TBC1D30: variants seen among roughly 807,000 people sequenced by gnomAD.
The protein encoded by TBC1D30 is TBC1 domain family member 30, also known as TBC1 domain family, member 30.
Under a neutral mutation model 63.2 loss-of-function variants are expected in TBC1D30, and 31 were observed. That is an observed-to-expected ratio of 0.49 (90% confidence interval 0.37 to 0.66). TBC1D30 has a LOEUF of 0.66. TBC1D30 is among the 30% of genes least tolerant of loss of function. The probability of loss-of-function intolerance (pLI) is 0.00; values close to 1 mark genes in which losing one functional copy is unlikely to be tolerated. For missense variants in TBC1D30, 810 were observed against 953.6 expected, an observed-to-expected ratio of 0.85 and a Z score of 1.98; for synonymous variants, 307 against 361.5, an observed-to-expected ratio of 0.85 and a Z score of 1.71.
rs367956781 is a variant in TBC1D30 at position 64,844,901 on chromosome 12, G to A, written c.1038+1416G>A. On this transcript the variant is annotated intron_variant, in intron 8 of 11. Coordinates refer to ENST00000539867, the MANE Select transcript of TBC1D30 (RefSeq NM_015279.2). ...CCGTGCCTGGCTTATTTCACTTAAC[G>A]TAATGACCTCCATTTCCATCCATGT... 2.6e-5 allele frequency among the ~76,000 whole-genome samples: 4 copies of A among 152,024 alleles called. No homozygotes were observed. The East Asian group carries it at 5.8e-4, about 22-fold the overall frequency.
At chr12:64,853,464 TC>T (rs1877042620) in intron 8 of TBC1D30, among the ~76,000 whole-genome samples, 1 of 152,188 alleles carries the variant, frequency 6.6e-6, no homozygotes, top group Non-Finnish European at 1.5e-5. Context: ...ACCACTTGGC[TC>T]CCTGGCTTCA....
intron 1 of TBC1D30, 140 bp from the exon 2 acceptor site, chr12:64,827,694 CA>C: frequency 3.2e-6 from 2 of 615,892 alleles, no homozygotes; most frequent in Non-Finnish European, 5.4e-6. Flanking sequence ...TACCTTTTGG[CA>C]AAATTGACTA....
chr12:64,825,125 A>G lies in TBC1D30; in HGVS notation c.154+92A>G, dbSNP rs548068730. ...TAGCCTGACTCCGTCTAGGCCGGGG[A>G]GCTCTGGGGAAAGTCCGCGTGCCAC... On this transcript the variant is annotated intron_variant, in intron 1 of 11. Transcript: ENST00000539867. The G allele has an allele frequency of 5.3e-4, 755 of 1,431,698 alleles. No individual in the cohort carries two copies. The Middle Eastern group carries it at 5.6e-3, about 11-fold the overall frequency. The allele number at this position is 1,431,698 out of a possible 1,614,324, so 88.7% of individuals were successfully genotyped here.
Position 64,868,664 on chromosome 12 carries a change from A to G in TBC1D30, c.1291+1761A>G, listed in dbSNP as rs1973526. On this transcript the variant is annotated intron_variant, in intron 10 of 11. Coordinates refer to ENST00000539867, the MANE Select transcript of TBC1D30 (RefSeq NM_015279.2). Reference sequence around the variant, plus strand: ...TTTTCTTAAGGGCTTCTGGCATAGCAGGAACCTTCTTTTTCTTCTCTTCGA... The same window carrying G: ...TTTTCTTAAGGGCTTCTGGCATAGCGGGAACCTTCTTTTTCTTCTCTTCGA... The G allele has an allele frequency of 8.5e-3, 2,570 of 303,964 alleles. 70 individuals carry two copies. The highest frequency in any genetic ancestry group is 0.053 in the African/African-American group (2,378 of 44,584). The allele number at this position is 303,964 out of a possible 1,614,324, so 18.8% of individuals were successfully genotyped here. A position where few individuals can be genotyped will look rare whatever the true frequency, so the allele number is the denominator to read the frequency against.
intron 3 of TBC1D30, among the ~76,000 whole-genome samples, 161 bp downstream of exon 3, chr12:64,828,670 A>G (rs924698175): frequency 6.6e-6 from 1 of 152,208 alleles, no homozygotes; most frequent in African/African-American, 2.4e-5. Context: ...GTGCCAAGTA[A>G]TGTTCTAGGT....
intron 1 of TBC1D30, among the ~76,000 whole-genome samples, chr12:64,770,577 G>A (rs1870868476): frequency 6.6e-6 from 1 of 152,234 alleles, no homozygotes; most frequent in Admixed American, 6.5e-5. Context: ...GCCCTTAGGT[G>A]TGCACGTGTG....
chr12:64,774,075 A>G (rs1870993943), intron 1 of TBC1D30, among the ~76,000 whole-genome samples: 1 of 152,218 alleles, frequency 6.6e-6, no homozygotes, highest in South Asian at 2.1e-4. Flanking sequence ...TGACAGACAA[A>G]ATAGCCAGAG....
rs374527045 is a variant in TBC1D30, at chr12:64,875,768, A to C, written c.2266A>C (p.Ser756Arg). 1.2e-4 allele frequency: 187 copies of C among 1,531,260 alleles called. 1 individual carries two copies. In the East Asian group the frequency reaches 3.6e-3, roughly 29 times the overall value. 94.9% of individuals were successfully genotyped at this position (1,531,260 alleles called of 1,614,324 possible). A position where few individuals can be genotyped will look rare whatever the true frequency, so the allele number is the denominator to read the frequency against. The part of the protein sequence containing the change: ...RSFSKPGGGN[S>R]GTKKR ...CTTCAGCAAACCCGGCGGTGGAAAC[A>C]GTGGCACTAAAAAACGATGATGTCT... The change falls in exon 12 of 12, where the codon AGT (serine) becomes CGT (arginine). Residue 756 changes from serine (S) to arginine (R), a missense_variant. Transcript: ENST00000539867.
upstream of TBC1D30, among the ~76,000 whole-genome samples, chr12:64,776,800 A>G (rs1050264689): frequency 6.6e-6 from 1 of 152,222 alleles, no homozygotes; most frequent in Non-Finnish European, 1.5e-5. Flanking sequence ...CAGAGATACA[A>G]CAACTACAAA....
At chr12:64,784,282 T>TA (rs901226338) in intron 1 of TBC1D30, among the ~76,000 whole-genome samples, 1 of 152,088 alleles carries the variant, frequency 6.6e-6, no homozygotes, top group Non-Finnish European at 1.5e-5. Context: ...CTTCCTTGCC[T>TA]AAAAATCACT....
intron 2 of TBC1D30, among the ~76,000 whole-genome samples, chr12:64,812,155 T>C (rs1257041876): frequency 6.6e-6 from 1 of 152,198 alleles, no homozygotes; most frequent in Non-Finnish European, 1.5e-5. Flanking sequence ...CCTAGAATTA[T>C]CTACTTATAT....
exon 1 of TBC1D30, chr12:64,781,218 C>T (rs984817572): frequency 2.7e-6 from 3 of 1,130,874 alleles, no homozygotes; most frequent in Non-Finnish European, 3.3e-6. Context: ...GCCGGCGACT[C>T]CCGCGTGCTG....
At chr12:64,803,598 G>C (rs1173225334) in intron 2 of TBC1D30, among the ~76,000 whole-genome samples, 1 of 152,132 alleles carries the variant, frequency 6.6e-6, no homozygotes, top group Non-Finnish European at 1.5e-5. Context: ...AATTGTATTG[G>C]CTAGGTTTTC....
intron 2 of TBC1D30, among the ~76,000 whole-genome samples, chr12:64,804,782 AT>A (rs1872768552): frequency 6.6e-6 from 1 of 152,156 alleles, no homozygotes; most frequent in African/African-American, 2.4e-5. Context: ...TTCCCTGAGC[AT>A]TTTCTGCCCT....
At chr12:64,776,727 A>G (rs1394081201), upstream of TBC1D30, among the ~76,000 whole-genome samples, 1 of 152,228 alleles carries the variant, frequency 6.6e-6, no homozygotes, top group African/African-American at 2.4e-5. Context: ...CAAAAAGTTG[A>G]AAAGAAGGGA....
intron 4 of TBC1D30, 37 bp downstream of exon 4, chr12:64,830,539 G>T: frequency 6.7e-7 from 1 of 1,487,064 alleles, no homozygotes; most frequent in Non-Finnish European, 9.0e-7. Context: ...TCCTAATATA[G>T]AAGAAAGACT....
chr12:64,853,003 A>C (rs917342925), intron 8 of TBC1D30, among the ~76,000 whole-genome samples: 2 of 152,192 alleles, frequency 1.3e-5, no homozygotes, highest in East Asian at 3.9e-4. Flanking sequence ...ATCCCTTGGT[A>C]GAGCTCGAGC....
chr12:64,787,737 A>G (rs1871678623), intron 2 of TBC1D30, among the ~76,000 whole-genome samples: 1 of 152,228 alleles, frequency 6.6e-6, no homozygotes, highest in South Asian at 2.1e-4. Context: ...CCTAATAGAT[A>G]TTAACAGATT....
At chr12:64,760,557 C>A (rs1870464471) in intron 1 of TBC1D30, among the ~76,000 whole-genome samples, 2 of 151,992 alleles carry the variant, frequency 1.3e-5, no homozygotes, top group Admixed American at 6.5e-5. Flanking sequence ...TGTCTCAAAA[C>A]AAACAAACAA....
Sources: allele counts gnomAD v4.1 joint callset (sites outside exome capture counted in the v4.1 genomes callset), GRCh38; gene constraint gnomAD v4.1.1; transcripts MANE v1.5; gene names NCBI Gene and HGNC (gene_info 2026-07-23, HGNC 2026-07-21).